Variants in TMPRSS11F observed in about 807,000 individuals in gnomAD.
TMPRSS11F encodes transmembrane protease serine 11F.
In TMPRSS11F, 47 loss-of-function variants were observed where a neutral mutation model predicts 60.2. The ratio of observed to expected loss-of-function variants is 0.78; its 90% CI spans 0.62 to 1.00. TMPRSS11F has a LOEUF of 1.00. TMPRSS11F is among the 50% of genes least tolerant of loss of function. The pLI, the probability that TMPRSS11F is intolerant of heterozygous loss-of-function variation, is 0.00. For missense variants in TMPRSS11F, 519 were observed against 522.9 expected, an observed-to-expected ratio of 0.99 and a Z score of 0.07; for synonymous variants, 166 against 167.3, an observed-to-expected ratio of 0.99 and a Z score of 0.06.
At chr4:68,090,771 A>C in intron 2 of TMPRSS11F, 130 bp from the exon 3 acceptor site, 1 of 1,423,790 alleles carries the variant, frequency 7.0e-7, no homozygotes, top group African/African-American at 1.5e-5. Flanking sequence ...AAAATTCTTG[A>C]AGACACTTCT....
intron 8 of TMPRSS11F, chr4:68,062,084 T>G (rs1267307446): frequency 1.8e-5 from 8 of 450,732 alleles, no homozygotes; most frequent in Non-Finnish European, 4.4e-6. Context: ...ACGATAGGGT[T>G]GGAGGACTAC....
chr4:68,112,410 T>C lies in TMPRSS11F; in HGVS notation c.12-13372A>G, dbSNP rs190364136. On this transcript the variant is annotated intron_variant, in intron 1 of 9. Transcript: ENST00000356291. ...GTTAAAAGTGACATCATTTTATTAA[T>C]GCCAAACCTATTTGGGGCTAATATT... Among the ~76,000 whole-genome samples, 34 of 152,316 alleles carry C rather than the reference T, an allele frequency of 2.2e-4. No homozygotes were observed. The East Asian group carries it at 5.8e-3, about 26-fold the overall frequency.
At chr4:68,090,767 C>T (rs2109864552) in intron 2 of TMPRSS11F, 126 bp from the exon 3 acceptor site, 1 of 1,422,028 alleles carries the variant, frequency 7.0e-7, no homozygotes, top group Non-Finnish European at 9.3e-7. Flanking sequence ...TGTAAAAATT[C>T]TTGAAGACAC....
At chr4:68,082,697 T>C (rs1161429757) in intron 3 of TMPRSS11F, among the ~76,000 whole-genome samples, 1 of 152,248 alleles carries the variant, frequency 6.6e-6, no homozygotes, top group African/African-American at 2.4e-5. Context: ...CCCGTTGGGT[T>C]AGAGCACATA....
chr4:68,065,092 A>C, intron 7 of TMPRSS11F, 148 bp from the exon 8 acceptor site: 1 of 734,132 alleles, frequency 1.4e-6, no homozygotes, highest in East Asian at 2.8e-5. Flanking sequence ...AATAGGAAAA[A>C]AATTGTTTTT....
At chr4:68,065,179 G>A (rs1048931851) in intron 7 of TMPRSS11F, among the ~76,000 whole-genome samples, 1 of 151,988 alleles carries the variant, frequency 6.6e-6, no homozygotes, top group African/African-American at 2.4e-5. Context: ...TGCTTGCTGG[G>A]AACTCTTCAG....
chr4:68,094,463 T>C (rs1398513171), intron 2 of TMPRSS11F, among the ~76,000 whole-genome samples: 2 of 145,270 alleles, frequency 1.4e-5, no homozygotes, highest in African/African-American at 2.5e-5. Flanking sequence ...GACCAGTTAG[T>C]GGGTGCAGCG....
At position 68,068,781 on chromosome 4, in the gene TMPRSS11F, G is replaced by A; in HGVS notation, c.592C>T (p.Pro198Ser). 6.2e-7 allele frequency: 1 copy of A among 1,614,180 alleles called. No individual in the cohort carries two copies. Among genetic ancestry groups the A allele is most frequent in the Non-Finnish European group, 8.5e-7 (1 of 1,180,044 alleles). The change falls in exon 7 of 10, where the codon CCA (proline) becomes TCA (serine). Residue 198 changes from proline (P) to serine (S), a missense_variant. By Grantham distance (74) the Pro-to-Ser change is moderately conservative (BLOSUM62 -1). Coordinates refer to ENST00000356291, the MANE Select transcript of TMPRSS11F (RefSeq NM_207407.2). ...IRMTSSNMPL[P>S]ASSSTQRIVQ... is the part of the protein sequence containing the mutation. Reference sequence around the variant, plus strand: ...ATTCTTTGAGTAGAAGAGGATGCTGGTAATGGCATGTTTGAAGATGTCATC... The same window carrying A: ...ATTCTTTGAGTAGAAGAGGATGCTGATAATGGCATGTTTGAAGATGTCATC...
intron 3 of TMPRSS11F, among the ~76,000 whole-genome samples, chr4:68,078,112 C>A (rs1723623128): frequency 6.6e-6 from 1 of 152,194 alleles, no homozygotes; most frequent in Non-Finnish European, 1.5e-5. Flanking sequence ...TTGGCAACCC[C>A]CATCCCACCC....
intron 1 of TMPRSS11F, among the ~76,000 whole-genome samples, chr4:68,126,886 C>T (rs763214788): frequency 5.3e-5 from 8 of 152,106 alleles, no homozygotes; most frequent in Non-Finnish European, 8.8e-5. Context: ...TGAAGGAAGA[C>T]CATGGGGTCT....
chr4:68,120,465 T>C (rs1007754768), intron 1 of TMPRSS11F, among the ~76,000 whole-genome samples: 2 of 146,890 alleles, frequency 1.4e-5, no homozygotes, highest in African/African-American at 5.1e-5. Flanking sequence ...CTCGGCTCAC[T>C]GCAAGCTCCG....
At chr4:68,076,048 T>A (rs1176065780) in intron 3 of TMPRSS11F, among the ~76,000 whole-genome samples, 2 of 151,922 alleles carry the variant, frequency 1.3e-5, no homozygotes, top group African/African-American at 2.4e-5. Context: ...AAAATCAAAT[T>A]TACATACTTA....
chr4:68,108,238 T>C lies in TMPRSS11F; in HGVS notation c.12-9200A>G, dbSNP rs549122879. On this transcript the variant is annotated intron_variant, in intron 1 of 9. Coordinates refer to ENST00000356291, the MANE Select transcript of TMPRSS11F (RefSeq NM_207407.2). ...TGTAGAAATGACAGAAAGAGAAGAG[T>C]TAAGGAGGATGCCAAGGTCTTTAGT... Among the ~76,000 whole-genome samples the C allele has an allele frequency of 1.3e-4, 20 of 152,172 alleles. No individual in the cohort carries two copies. In the South Asian group the frequency reaches 4.2e-3, roughly 32 times the overall value.
At chr4:68,095,334 T>C (rs1201600130) in intron 2 of TMPRSS11F, among the ~76,000 whole-genome samples, 1 of 151,982 alleles carries the variant, frequency 6.6e-6, no homozygotes, top group African/African-American at 2.4e-5. Context: ...AAAAAACAGA[T>C]GACTCAATAC....
intron 8 of TMPRSS11F, among the ~76,000 whole-genome samples, chr4:68,063,555 A>G (rs1284567877): frequency 6.6e-6 from 1 of 151,426 alleles, no homozygotes; most frequent in African/African-American, 2.4e-5. Context: ...TTTTTTTTGT[A>G]TTTTTAGTAG....
chr4:68,072,305 T>A lies in TMPRSS11F; in HGVS notation c.514+18A>T. On this transcript the variant is annotated intron_variant, in intron 5 of 9. Transcript: ENST00000356291. ...AGGAGGGAATGACAAAAGTGGCAAA[T>A]AAAAATAAAAGACTTACGTGTGAGT... 6.9e-7 allele frequency: 1 copy of A among 1,447,054 alleles called. No individual in the cohort carries two copies. Among genetic ancestry groups the A allele is most frequent in the African/African-American group, 1.5e-5 (1 of 67,976 alleles). 89.6% of individuals were successfully genotyped at this position (1,447,054 alleles called of 1,614,324 possible).
At chr4:68,115,118 T>C (rs756473933) in intron 1 of TMPRSS11F, among the ~76,000 whole-genome samples, 2 of 150,636 alleles carry the variant, frequency 1.3e-5, no homozygotes, top group Admixed American at 6.6e-5. Context: ...GGGAGGCCGA[T>C]GCGGGCAGAT....
At chr4:68,064,101 A>G (rs764499895) in intron 8 of TMPRSS11F, among the ~76,000 whole-genome samples, 7 of 146,304 alleles carry the variant, frequency 4.8e-5, no homozygotes, top group Non-Finnish European at 7.5e-5. Flanking sequence ...TTTTCCTTCT[A>G]TATTAGTCTC....
At chr4:68,112,530 A>T (rs538257095) in intron 1 of TMPRSS11F, among the ~76,000 whole-genome samples, 1 of 152,164 alleles carries the variant, frequency 6.6e-6, no homozygotes, top group Non-Finnish European at 1.5e-5. Flanking sequence ...ATATAATTTG[A>T]TTGAGCCCAG....
Sources: allele counts gnomAD v4.1 joint callset (sites outside exome capture counted in the v4.1 genomes callset), GRCh38; gene constraint gnomAD v4.1.1; transcripts MANE v1.5; gene names NCBI Gene and HGNC (gene_info 2026-07-23, HGNC 2026-07-21).